The following RABGAP1L variants were observed in gnomAD, a reference collection of about 807,000 sequenced individuals.
RABGAP1L encodes the protein RAB GTPase activating protein 1 like.
In RABGAP1L, 63 loss-of-function variants were observed where a neutral mutation model predicts 137.7. The observed-to-expected ratio is 0.46, with a 90% CI of 0.37 to 0.56. The LOEUF is 0.56. RABGAP1L is among the 20% of genes least tolerant of loss of function. The pLI, the probability that RABGAP1L is intolerant of heterozygous loss-of-function variation, is 0.00. For missense variants in RABGAP1L, 1,095 were observed against 1,244.0 expected, an observed-to-expected ratio of 0.88 and a Z score of 1.80; for synonymous variants, 431 against 433.7, an observed-to-expected ratio of 0.99 and a Z score of 0.08.
intron 19 of RABGAP1L, among the ~76,000 whole-genome samples, chr1:174,919,451 C>T (rs1403888247): frequency 6.6e-6 from 1 of 152,178 alleles, no homozygotes; most frequent in African/African-American, 2.4e-5. Flanking sequence ...AGCATAGTGC[C>T]CTGAATGTCT....
At chr1:174,533,644 TATAAC>T (rs1664631608) in intron 13 of RABGAP1L, among the ~76,000 whole-genome samples, 1 of 152,194 alleles carries the variant, frequency 6.6e-6, no homozygotes, top group South Asian at 2.1e-4. Flanking sequence ...ATATAATACA[TATAAC>T]ATACGAAATA....
At chr1:174,503,486 C>A (rs952242001) in intron 13 of RABGAP1L, among the ~76,000 whole-genome samples, 1 of 151,426 alleles carries the variant, frequency 6.6e-6, no homozygotes, top group Non-Finnish European at 1.5e-5. Context: ...ACAGTGAAAC[C>A]CCATCTCTAC....
intron 18 of RABGAP1L, among the ~76,000 whole-genome samples, chr1:174,807,975 A>AAG (rs755421369): frequency 1.2e-5 from 1 of 80,056 alleles, no homozygotes; most frequent in African/African-American, 3.9e-5. Context: ...ACAACAACAA[A>AAG]TTCTTTTTTT....
chr1:174,699,716 G>T lies in RABGAP1L; in HGVS notation c.2025+66G>T, dbSNP rs888332771. On this transcript the variant is annotated intron_variant, in intron 16 of 25. Transcript: ENST00000681986. Reference sequence around the variant, plus strand: ...TGAGTCATAGAAAAAGCCTAATAGAGTTGGTAAGCAATAATGAATTATAGA... The same window carrying T: ...TGAGTCATAGAAAAAGCCTAATAGATTTGGTAAGCAATAATGAATTATAGA... 17 of 1,422,920 alleles carry T rather than the reference G, an allele frequency of 1.2e-5. No individual in the cohort carries two copies. In the African/African-American group the frequency reaches 2.3e-4, roughly 19 times the overall value. The allele number at this position is 1,422,920 out of a possible 1,614,324, so 88.1% of individuals were successfully genotyped here.
At chr1:174,840,283 T>G (rs549629224) in intron 19 of RABGAP1L, among the ~76,000 whole-genome samples, 19 of 152,304 alleles carry the variant, frequency 1.2e-4, no homozygotes, top group South Asian at 2.1e-4. Flanking sequence ...CCAACTGCAC[T>G]GGGAGAGCAA....
At chr1:174,451,224 G>A (rs2149258204) in intron 13 of RABGAP1L, among the ~76,000 whole-genome samples, 1 of 152,308 alleles carries the variant, frequency 6.6e-6, no homozygotes, top group East Asian at 1.9e-4. Flanking sequence ...AAAGTTCAAG[G>A]AAGTGTACTG....
chr1:174,837,752 A>G (rs954034772), intron 19 of RABGAP1L, among the ~76,000 whole-genome samples: 1 of 152,220 alleles, frequency 6.6e-6, no homozygotes, highest in Non-Finnish European at 1.5e-5. Flanking sequence ...ATCTAGAATG[A>G]TGGCATTGTT....
At chr1:174,886,579 A>G (rs1344592740) in intron 19 of RABGAP1L, among the ~76,000 whole-genome samples, 1 of 152,200 alleles carries the variant, frequency 6.6e-6, no homozygotes, top group Non-Finnish European at 1.5e-5. Context: ...ATTGCTACAT[A>G]CTAACTTAAA....
intron 12 of RABGAP1L, among the ~76,000 whole-genome samples, chr1:174,388,823 G>T (rs1415138929): frequency 6.6e-6 from 1 of 152,054 alleles, no homozygotes; most frequent in African/African-American, 2.4e-5. Context: ...AAATAATTGG[G>T]TATTGGATTA....
At chr1:174,882,734 A>G (rs1654436171) in intron 19 of RABGAP1L, among the ~76,000 whole-genome samples, 1 of 152,244 alleles carries the variant, frequency 6.6e-6, no homozygotes, top group Admixed American at 6.5e-5. Flanking sequence ...CTTCCATATC[A>G]TACACACATG....
intron 13 of RABGAP1L, among the ~76,000 whole-genome samples, chr1:174,533,548 A>G (rs556349858): frequency 3.3e-5 from 5 of 152,176 alleles, no homozygotes; most frequent in Non-Finnish European, 5.9e-5. Flanking sequence ...ATCCACTTCT[A>G]TTTAATAAAT....
rs759112877 is a variant in RABGAP1L at position 174,637,485 on chromosome 1, C to T, written c.1821C>T (p.Cys607=). Residue 607 remains cysteine (C), a synonymous_variant, in exon 14 of 26, where the codon TGC becomes TGT. Coordinates refer to ENST00000681986, the MANE Select transcript of RABGAP1L (RefSeq NM_001366446.1). ...GTCAAGAATCGCTCTATAAGATCTG[C>T]AAGGTAGGACTCTCTTCCTCACTTT... ...GDGQESLYKI[C]KAYSVYDEDI... is the part of the protein sequence containing the mutation. The T allele has an allele frequency of 1.9e-6, 3 of 1,570,974 alleles. No homozygotes were observed. Among genetic ancestry groups the T allele is most frequent in the Non-Finnish European group, 2.6e-6 (3 of 1,141,298 alleles).
intron 13 of RABGAP1L, among the ~76,000 whole-genome samples, chr1:174,534,514 C>T (rs920229583): frequency 9.2e-5 from 14 of 151,870 alleles, no homozygotes; most frequent in African/African-American, 3.4e-4. Flanking sequence ...AGGTGACTCA[C>T]GCCTGTAATC....
chr1:174,383,887 T>G (rs549005763), intron 12 of RABGAP1L, among the ~76,000 whole-genome samples: 2 of 152,268 alleles, frequency 1.3e-5, no homozygotes, highest in South Asian at 2.1e-4. Context: ...TAGCATGGTA[T>G]TTTATAAAAT....
chr1:174,522,288 A>G (rs1663473256), intron 13 of RABGAP1L, among the ~76,000 whole-genome samples: 1 of 152,184 alleles, frequency 6.6e-6, no homozygotes, highest in Admixed American at 6.5e-5. Context: ...CTATAAAGAA[A>G]TACTTGAGTC....
intron 13 of RABGAP1L, 30 bp downstream of exon 13, chr1:174,394,175 C>T: frequency 6.2e-7 from 1 of 1,601,014 alleles, no homozygotes; most frequent in Non-Finnish European, 8.5e-7. Context: ...ATATTATTTT[C>T]ATTGGATGAC....
intron 1 of RABGAP1L, among the ~76,000 whole-genome samples, chr1:174,195,745 T>G (rs12086341): frequency 1.5e-5 from 2 of 129,772 alleles, no homozygotes; most frequent in Non-Finnish European, 3.2e-5. Flanking sequence ...CTTTCTTTCT[T>G]TCTTTCTCTC....
In RABGAP1L at chr1:174,976,103, A is replaced by C; in HGVS notation, c.2570A>C (p.Asn857Thr). 1 of 1,551,126 alleles carries C rather than the reference A, an allele frequency of 6.4e-7. No homozygotes were observed. Among genetic ancestry groups the C allele is most frequent in the African/African-American group, 1.4e-5 (1 of 73,144 alleles). Residue 857 changes from asparagine to threonine, a missense_variant, in exon 22 of 26, where the codon AAT becomes ACT. This residue lies in a region of RABGAP1L where 312 missense variants were observed against 435.6 expected (regional missense o/e 0.72). Coordinates refer to ENST00000681986, the MANE Select transcript of RABGAP1L (RefSeq NM_001366446.1). ...DQAEDKADVL[N>T]KELLLTKQRL... ...GCAGAAGACAAGGCAGATGTGTTGA[A>C]TAAAGAGCTCCTTTTGACCAAACAG... is the stretch of plus-strand genomic sequence containing the variant.
chr1:174,390,517 A>T (rs1466177646), intron 12 of RABGAP1L, among the ~76,000 whole-genome samples: 1 of 152,214 alleles, frequency 6.6e-6, no homozygotes, highest in Non-Finnish European at 1.5e-5. Context: ...ATTACAGTTA[A>T]ATCATTATGC....
Sources: allele counts gnomAD v4.1 joint callset (sites outside exome capture counted in the v4.1 genomes callset), GRCh38; gene constraint gnomAD v4.1.1; regional missense constraint gnomAD v4.1.1; transcripts MANE v1.5; gene names NCBI Gene and HGNC (gene_info 2026-07-23, HGNC 2026-07-21).